ELMO1: variants seen among roughly 807,000 people sequenced by gnomAD.
ELMO1 encodes engulfment and cell motility protein 1.
A neutral mutation model predicts 98.9 loss-of-function variants in ELMO1; 26 were observed. The ratio of observed to expected loss-of-function variants is 0.26; its 90% CI spans 0.19 to 0.36. The LOEUF (loss-of-function observed/expected upper bound fraction) is 0.36, where lower values mean the gene tolerates loss of function less well. Among genes scored for constraint, ELMO1 ranks in the 10% least tolerant of loss-of-function variants. ELMO1 has a pLI of 1.00. For missense variants in ELMO1, 627 were observed against 935.2 expected (o/e 0.67, Z 4.30); for synonymous variants, 346 against 346.0 (o/e 1.00, Z 0.00).
At chr7:37,322,766 G>A (rs576122103) in intron 2 of ELMO1, among the ~76,000 whole-genome samples, 12 of 152,030 alleles carry the variant, frequency 7.9e-5, no homozygotes, top group Non-Finnish European at 1.6e-4. Context: ...TAGTACCACC[G>A]TGCCAAGATA....
At chr7:36,938,344 T>C (rs1786728162) in intron 16 of ELMO1, among the ~76,000 whole-genome samples, 1 of 152,240 alleles carries the variant, frequency 6.6e-6, no homozygotes, top group Non-Finnish European at 1.5e-5. Flanking sequence ...AAACCTGCTG[T>C]TGAACCACAT....
intron 16 of ELMO1, among the ~76,000 whole-genome samples, chr7:36,969,417 T>C (rs1323555451): frequency 6.6e-6 from 1 of 152,228 alleles, no homozygotes; most frequent in East Asian, 1.9e-4. Flanking sequence ...GATAATGATA[T>C]GTGGTGAATT....
chr7:36,884,010 C>T (rs747904276), intron 18 of ELMO1, among the ~76,000 whole-genome samples: 7 of 152,092 alleles, frequency 4.6e-5, no homozygotes, highest in African/African-American at 7.2e-5. Context: ...CCATGCTACT[C>T]CACCTCCTGT....
At chr7:36,961,855 A>G (rs1788980028) in intron 16 of ELMO1, among the ~76,000 whole-genome samples, 1 of 152,222 alleles carries the variant, frequency 6.6e-6, no homozygotes, top group South Asian at 2.1e-4. Context: ...TAATGTGGCC[A>G]GGCATGTAAA....
chr7:37,158,859 G>A (rs1324627747), intron 13 of ELMO1, among the ~76,000 whole-genome samples: 2 of 152,180 alleles, frequency 1.3e-5, no homozygotes, highest in African/African-American at 4.8e-5. Context: ...GCACATGTAT[G>A]TTTATTGTGG....
At chr7:37,255,543 G>A (rs568664851) in intron 6 of ELMO1, among the ~76,000 whole-genome samples, 14 of 152,306 alleles carry the variant, frequency 9.2e-5, no homozygotes, top group African/African-American at 3.4e-4. Context: ...TGTAACTGCC[G>A]GCCTCTGGAG....
intron 1 of ELMO1, among the ~76,000 whole-genome samples, chr7:37,374,010 C>T (rs1158653230): frequency 6.6e-6 from 1 of 152,170 alleles, no homozygotes; most frequent in Non-Finnish European, 1.5e-5. Flanking sequence ...ATTGTTGTTT[C>T]TCATTTTAAC....
intron 16 of ELMO1, among the ~76,000 whole-genome samples, chr7:36,959,935 C>G (rs1369323354): frequency 6.6e-6 from 1 of 152,144 alleles, no homozygotes; most frequent in Non-Finnish European, 1.5e-5. Flanking sequence ...TCCACCTTGG[C>G]CTCCCAAAGC....
intron 13 of ELMO1, among the ~76,000 whole-genome samples, chr7:37,158,590 A>G (rs1298471329): frequency 6.6e-6 from 1 of 152,230 alleles, no homozygotes; most frequent in Non-Finnish European, 1.5e-5. Context: ...AATGCAAATC[A>G]AAACCACAAT....
At chr7:37,377,762 G>A (rs1308352830) in intron 1 of ELMO1, among the ~76,000 whole-genome samples, 1 of 152,082 alleles carries the variant, frequency 6.6e-6, no homozygotes, top group African/African-American at 2.4e-5. Context: ...CCTCCTCCAA[G>A]GCTGTTTGCT....
chr7:37,003,648 C>T (rs1413843665), intron 16 of ELMO1, among the ~76,000 whole-genome samples: 1 of 152,184 alleles, frequency 6.6e-6, no homozygotes, highest in African/African-American at 2.4e-5. Context: ...TGCAGACATA[C>T]AACCAATGTA....
At chr7:37,299,310 A>G (rs1479931068) in intron 4 of ELMO1, among the ~76,000 whole-genome samples, 3 of 151,758 alleles carry the variant, frequency 2.0e-5, no homozygotes, top group Non-Finnish European at 4.4e-5. Flanking sequence ...TTTAGTTGCC[A>G]TTGCTTTTGG....
chr7:37,357,380 C>A (rs1801534933), intron 1 of ELMO1, among the ~76,000 whole-genome samples: 3 of 152,178 alleles, frequency 2.0e-5, no homozygotes, highest in Non-Finnish European at 4.4e-5. Flanking sequence ...CATAATCCAC[C>A]TGGGGCCTAA....
chr7:37,445,635 C>T (rs1805583998), intron 1 of ELMO1, among the ~76,000 whole-genome samples: 1 of 138,562 alleles, frequency 7.2e-6, no homozygotes, highest in Non-Finnish European at 1.5e-5. Flanking sequence ...CAAGAGTTAG[C>T]TTCTTTTCAA....
chr7:36,905,947 A>G (rs974587339), intron 16 of ELMO1, among the ~76,000 whole-genome samples: 3 of 152,268 alleles, frequency 2.0e-5, no homozygotes, highest in Non-Finnish European at 2.9e-5. Context: ...TAGAACTGCC[A>G]GCCTGTTTTG....
At chr7:36,915,119 G>A (rs962129903) in intron 16 of ELMO1, among the ~76,000 whole-genome samples, 1 of 151,992 alleles carries the variant, frequency 6.6e-6, no homozygotes, top group African/African-American at 2.4e-5. Context: ...AGAGATGGGG[G>A]TCTTGTTATG....
At chr7:37,259,116 G>T in intron 6 of ELMO1, 65 bp downstream of exon 6, 1 of 1,530,148 alleles carries the variant, frequency 6.5e-7, no homozygotes, top group Non-Finnish European at 8.8e-7. Flanking sequence ...TGTAAGGCAT[G>T]TAACAATATT....
At chr7:37,026,163 T>C (rs553957981) in intron 15 of ELMO1, among the ~76,000 whole-genome samples, 20 of 152,136 alleles carry the variant, frequency 1.3e-4, no homozygotes, top group Non-Finnish European at 2.1e-4. Flanking sequence ...ACTGTGGATA[T>C]AAGTAATTGC....
intron 15 of ELMO1, among the ~76,000 whole-genome samples, chr7:37,076,174 CT>C (rs1431008276): frequency 1.3e-5 from 2 of 152,218 alleles, no homozygotes; most frequent in Admixed American, 6.5e-5. Context: ...TCGTTACCCC[CT>C]GATGAGTCAC....
Sources: allele counts gnomAD v4.1 joint callset (sites outside exome capture counted in the v4.1 genomes callset), GRCh38; gene constraint gnomAD v4.1.1; transcripts MANE v1.5; gene names NCBI Gene and HGNC (gene_info 2026-07-23, HGNC 2026-07-21).